The following SUPT3H variants were observed in gnomAD, a reference collection of about 807,000 sequenced individuals.
The protein encoded by SUPT3H is transcription initiation protein SPT3 homolog.
A neutral mutation model predicts 44.3 loss-of-function variants in SUPT3H; 44 were observed. The ratio of observed to expected loss-of-function variants is 0.99; its 90% CI spans 0.78 to 1.28. The LOEUF (loss-of-function observed/expected upper bound fraction) is 1.28, where lower values mean the gene tolerates loss of function less well. Among genes scored for constraint, SUPT3H ranks in the 50% most tolerant of loss-of-function variants. The probability of loss-of-function intolerance (pLI) is 0.00; values close to 1 mark genes in which losing one functional copy is unlikely to be tolerated. For missense variants in SUPT3H, 380 were observed against 387.1 expected (o/e 0.98, Z 0.15); for synonymous variants, 124 against 125.6 (o/e 0.99, Z 0.09).
chr6:45,005,342 A>T (rs1250203320), intron 5 of SUPT3H, among the ~76,000 whole-genome samples: 4 of 152,176 alleles, frequency 2.6e-5, no homozygotes, highest in African/African-American at 9.7e-5. Flanking sequence ...TTTTCTTAAC[A>T]ATTCAAAGGG....
At chr6:45,280,495 C>CA (rs1175816303) in intron 2 of SUPT3H, among the ~76,000 whole-genome samples, 3 of 151,538 alleles carry the variant, frequency 2.0e-5, no homozygotes, top group Admixed American at 6.6e-5. Flanking sequence ...AAAACAAAAC[C>CA]AAAAAACAAC....
rs541125106 is a variant in SUPT3H at position 45,017,040 on chromosome 6, C to G, written c.274-2149G>C. ...GACTTTTTAATGATTGCCATTCTAA[C>G]TGGTGTGAGATGGTATCTCATTGTG... On this transcript the variant is annotated intron_variant, in intron 4 of 10. Coordinates refer to ENST00000371459, the MANE Select transcript of SUPT3H (RefSeq NM_003599.4). Among the ~76,000 whole-genome samples the G allele has an allele frequency of 3.6e-3, 542 of 151,658 alleles. 3 individuals are homozygous for G. The highest frequency in any genetic ancestry group is 5.7e-3 in the Non-Finnish European group (384 of 67,874).
At chr6:45,258,354 G>A (rs544884543) in intron 2 of SUPT3H, among the ~76,000 whole-genome samples, 1 of 152,244 alleles carries the variant, frequency 6.6e-6, no homozygotes, top group South Asian at 2.1e-4. Flanking sequence ...GAGTTTTAAA[G>A]GGGAAAAACA....
intron 2 of SUPT3H, among the ~76,000 whole-genome samples, chr6:45,150,563 G>C (rs1471535467): frequency 6.6e-6 from 1 of 151,922 alleles, no homozygotes; most frequent in Admixed American, 6.6e-5. Flanking sequence ...AGTAAACTCA[G>C]CATGGGACAC....
At chr6:45,315,996 A>C (rs1035228361) in intron 2 of SUPT3H, among the ~76,000 whole-genome samples, 6 of 152,070 alleles carry the variant, frequency 3.9e-5, no homozygotes, top group Admixed American at 1.3e-4. Context: ...ACTCAACCAT[A>C]CAAAGGAATG....
At chr6:44,899,966 A>T (rs1487494537) in intron 10 of SUPT3H, among the ~76,000 whole-genome samples, 1 of 152,220 alleles carries the variant, frequency 6.6e-6, no homozygotes, top group Non-Finnish European at 1.5e-5. Flanking sequence ...CATTACCTTG[A>T]TGATTAAGAT....
intron 2 of SUPT3H, among the ~76,000 whole-genome samples, chr6:45,144,347 G>C (rs183659220): frequency 6.6e-6 from 1 of 151,762 alleles, no homozygotes; most frequent in East Asian, 1.9e-4. Flanking sequence ...AATATATCAC[G>C]ATCAAGTGGG....
At chr6:44,825,774 G>A (rs1257126332), downstream of SUPT3H, among the ~76,000 whole-genome samples, 1 of 152,072 alleles carries the variant, frequency 6.6e-6, no homozygotes, top group East Asian at 1.9e-4. Flanking sequence ...TGATCATCTT[G>A]AGCCTTGCCT....
At chr6:45,282,549 G>T (rs911547613) in intron 2 of SUPT3H, among the ~76,000 whole-genome samples, 3 of 152,116 alleles carry the variant, frequency 2.0e-5, no homozygotes, top group Admixed American at 6.5e-5. Flanking sequence ...AGAATAAAAA[G>T]AAACAAACAA....
chr6:45,181,419 A>G (rs1297733912), intron 2 of SUPT3H, among the ~76,000 whole-genome samples: 1 of 152,052 alleles, frequency 6.6e-6, no homozygotes, highest in Non-Finnish European at 1.5e-5. Flanking sequence ...ATGCACACAT[A>G]TGTTTATTGC....
At chr6:45,345,592 C>A (rs760105671) in intron 2 of SUPT3H, among the ~76,000 whole-genome samples, 4 of 152,056 alleles carry the variant, frequency 2.6e-5, no homozygotes, top group Non-Finnish European at 5.9e-5. Context: ...CTCATAAATC[C>A]CCAAGACCTA....
At chr6:44,913,875 CT>C (rs1429154160) in intron 10 of SUPT3H, among the ~76,000 whole-genome samples, 8 of 152,114 alleles carry the variant, frequency 5.3e-5, no homozygotes, top group Non-Finnish European at 8.8e-5. Context: ...AGTGCCACCC[CT>C]ATCATATAGT....
chr6:45,218,283 G>A (rs1272931455), intron 2 of SUPT3H, among the ~76,000 whole-genome samples: 1 of 152,076 alleles, frequency 6.6e-6, no homozygotes, highest in African/African-American at 2.4e-5. Context: ...GATCAAAGGA[G>A]CAATCTACTA....
At chr6:44,902,088 A>T (rs1185725534) in intron 10 of SUPT3H, among the ~76,000 whole-genome samples, 3 of 152,200 alleles carry the variant, frequency 2.0e-5, no homozygotes, top group Non-Finnish European at 4.4e-5. Flanking sequence ...TGTAAAGACC[A>T]TCGAGGCTAG....
chr6:45,211,473 T>C (rs1285118908), intron 2 of SUPT3H, among the ~76,000 whole-genome samples: 1 of 152,176 alleles, frequency 6.6e-6, no homozygotes, highest in African/African-American at 2.4e-5. Flanking sequence ...TTTATTATAA[T>C]TATGTTCTGT....
downstream of SUPT3H, among the ~76,000 whole-genome samples, chr6:44,821,916 A>C (rs141063604): frequency 2.5e-3 from 374 of 152,302 alleles, no homozygotes; most frequent in African/African-American, 8.6e-3. Context: ...ACATAAACTC[A>C]CTGATCCCTG....
intron 2 of SUPT3H, among the ~76,000 whole-genome samples, chr6:45,209,590 G>C (rs1763759064): frequency 6.6e-6 from 1 of 152,218 alleles, no homozygotes; most frequent in South Asian, 2.1e-4. Context: ...ATGAGGAGTT[G>C]CTTCTTATGG....
At chr6:44,962,652 C>A (rs1486277326) in intron 6 of SUPT3H, among the ~76,000 whole-genome samples, 1 of 151,856 alleles carries the variant, frequency 6.6e-6, no homozygotes, top group African/African-American at 2.4e-5. Context: ...ACATAAGTAC[C>A]ATTTCTTCTA....
chr6:44,835,007 G>A (rs1043850576), intron 10 of SUPT3H, among the ~76,000 whole-genome samples: 1 of 152,076 alleles, frequency 6.6e-6, no homozygotes, highest in African/African-American at 2.4e-5. Context: ...GCCCTCCCCT[G>A]GAGAATCACT....
Sources: gnomAD v4.1 joint callset for allele counts (sites outside exome capture counted in the v4.1 genomes callset) on GRCh38, gnomAD v4.1.1 for gene constraint, MANE v1.5 for transcripts, NCBI Gene and HGNC (gene_info 2026-07-23, HGNC 2026-07-21) for gene names.